PRKG1: variants seen among roughly 807,000 people sequenced by gnomAD.
PRKG1 encodes the protein cGMP-dependent protein kinase 1.
A neutral mutation model predicts 88.1 loss-of-function variants in PRKG1; 35 were observed. That is an observed-to-expected ratio of 0.40 (90% CI 0.30 to 0.53). The LOEUF is 0.53. PRKG1 is among the 20% of genes least tolerant of loss of function. The pLI is 0.59. For synonymous variants in PRKG1, 303 were observed against 292.5 expected (o/e 1.04, Z -0.37); for missense variants, 540 against 839.8 (o/e 0.64, Z 4.41).
At chr10:51,359,109 A>G (rs1842426275) in intron 2 of PRKG1, among the ~76,000 whole-genome samples, 1 of 151,884 alleles carries the variant, frequency 6.6e-6, no homozygotes, top group African/African-American at 2.4e-5. Flanking sequence ...TTAGAAGATT[A>G]TGCATGTTTC....
At chr10:51,608,451 G>A (rs1243772039) in intron 3 of PRKG1, among the ~76,000 whole-genome samples, 2 of 152,200 alleles carry the variant, frequency 1.3e-5, no homozygotes, top group African/African-American at 2.4e-5. Context: ...TGCTGATTCA[G>A]TTCTTCTGTG....
chr10:51,724,857 C>T (rs575390074), intron 3 of PRKG1, among the ~76,000 whole-genome samples: 7 of 143,374 alleles, frequency 4.9e-5, no homozygotes, highest in African/African-American at 1.6e-4. Flanking sequence ...CCATGCCTGG[C>T]TAATTTTTGT....
intron 5 of PRKG1, among the ~76,000 whole-genome samples, chr10:52,011,076 G>T (rs1453304693): frequency 6.6e-6 from 1 of 152,288 alleles, no homozygotes; most frequent in South Asian, 2.1e-4. Flanking sequence ...TTTAATTTCA[G>T]AATGCCAAGT....
intron 4 of PRKG1, among the ~76,000 whole-genome samples, chr10:51,857,942 A>G (rs1027778537): frequency 3.3e-5 from 5 of 149,962 alleles, no homozygotes; most frequent in African/African-American, 1.2e-4. Flanking sequence ...AATAAAATGT[A>G]TGGATGCTAT....
chr10:51,912,526 A>G (rs1842241020), intron 5 of PRKG1, among the ~76,000 whole-genome samples: 1 of 152,202 alleles, frequency 6.6e-6, no homozygotes, highest in African/African-American at 2.4e-5. Context: ...CTGAATATTC[A>G]TTGTAAAACA....
chr10:52,286,719 T>G (rs2132456434), intron 14 of PRKG1, among the ~76,000 whole-genome samples: 1 of 152,090 alleles, frequency 6.6e-6, no homozygotes, highest in Non-Finnish European at 1.5e-5. Context: ...GAGAAATCTC[T>G]AAATTCAGTT....
chr10:52,070,568 C>A (rs1025032277), intron 7 of PRKG1, among the ~76,000 whole-genome samples: 3 of 152,048 alleles, frequency 2.0e-5, no homozygotes, highest in South Asian at 2.1e-4. Context: ...TGCATATATT[C>A]TTTCCCCCGC....
chr10:52,268,545 T>C (rs1841633627), intron 10 of PRKG1, among the ~76,000 whole-genome samples: 1 of 152,052 alleles, frequency 6.6e-6, no homozygotes, highest in Non-Finnish European at 1.5e-5. Context: ...TTAAAGGTAA[T>C]AGAAATATTG....
At chr10:51,135,666 T>G (rs1226558675) in intron 1 of PRKG1, among the ~76,000 whole-genome samples, 2 of 152,104 alleles carry the variant, frequency 1.3e-5, no homozygotes, top group South Asian at 2.1e-4. Flanking sequence ...GAAATTGATG[T>G]TGATTAACCA....
At chr10:52,150,181 A>ATAATAATAT (rs1554810284) in intron 8 of PRKG1, among the ~76,000 whole-genome samples, 1 of 148,986 alleles carries the variant, frequency 6.7e-6, no homozygotes, top group Admixed American at 6.7e-5. Flanking sequence ...AATAATAATA[A>ATAATAATAT]TAATTTGATT....
chr10:51,032,662 G>A (rs899767534), intron 1 of PRKG1, among the ~76,000 whole-genome samples: 1 of 152,098 alleles, frequency 6.6e-6, no homozygotes, highest in African/African-American at 2.4e-5. Context: ...AGGAGGGTGA[G>A]GCAGGAGAAT....
At chr10:51,791,487 A>G (rs1831303046) in intron 3 of PRKG1, among the ~76,000 whole-genome samples, 1 of 152,128 alleles carries the variant, frequency 6.6e-6, no homozygotes, top group African/African-American at 2.4e-5. Context: ...CTTATACAGG[A>G]TGACTGTCCT....
intron 17 of PRKG1, among the ~76,000 whole-genome samples, chr10:52,292,779 C>G (rs1280597798): frequency 6.6e-6 from 1 of 151,852 alleles, no homozygotes; most frequent in East Asian, 1.9e-4. Flanking sequence ...TAAGAGCTAT[C>G]TATGACAAAC....
chr10:51,321,289 G>A (rs1023307659), intron 2 of PRKG1, among the ~76,000 whole-genome samples: 3 of 152,052 alleles, frequency 2.0e-5, no homozygotes, highest in African/African-American at 4.8e-5. Flanking sequence ...GGAGTTAAGC[G>A]TCTAACTTTT....
intron 5 of PRKG1, among the ~76,000 whole-genome samples, chr10:52,034,875 C>G (rs1377429064): frequency 6.6e-6 from 1 of 152,126 alleles, no homozygotes. Flanking sequence ...TGCGCTGTAC[C>G]CTGCAGCATT....
intron 5 of PRKG1, among the ~76,000 whole-genome samples, chr10:51,972,025 T>C (rs11813875): frequency 0.094 from 14,343 of 152,036 alleles, 1,793 homozygotes; most frequent in African/African-American, 0.28. Flanking sequence ...TTTCAAAGCT[T>C]TCTGTTTCCT....
At chr10:51,610,260 T>C (rs79641501) in intron 3 of PRKG1, among the ~76,000 whole-genome samples, 7,351 of 152,228 alleles carry the variant, frequency 0.048, 212 homozygotes, top group Middle Eastern at 0.088. Context: ...TTGTACCCAT[T>C]AACTAACCTC....
intron 1 of PRKG1, among the ~76,000 whole-genome samples, chr10:51,103,115 A>G (rs1431258413): frequency 7.4e-6 from 1 of 134,422 alleles, no homozygotes; most frequent in Non-Finnish European, 1.6e-5. Flanking sequence ...CATTGAACAA[A>G]TGGCTAAATA....
intron 7 of PRKG1, among the ~76,000 whole-genome samples, chr10:52,098,874 C>T (rs1290423784): frequency 6.6e-6 from 1 of 152,062 alleles, no homozygotes; most frequent in Admixed American, 6.6e-5. Flanking sequence ...AATAACAAAC[C>T]TATGAGGGAC....
Sources: allele counts gnomAD v4.1 joint callset (sites outside exome capture counted in the v4.1 genomes callset), GRCh38; gene constraint gnomAD v4.1.1; transcripts MANE v1.5; gene names NCBI Gene and HGNC (gene_info 2026-07-23, HGNC 2026-07-21).